Variants in CYSLTR1 observed in about 807,000 individuals in gnomAD.
CYSLTR1 encodes the protein G-protein coupled receptor HG55.
Under a neutral mutation model 2.1 loss-of-function variants are expected in CYSLTR1, and 1 was observed. The ratio of observed to expected loss-of-function variants is 0.48; its 90% CI spans 0.17 to 2.28. CYSLTR1 has a LOEUF of 2.28. CYSLTR1 is among the 30% of genes most tolerant of loss of function. The probability of loss-of-function intolerance (pLI) is 0.26; values close to 1 mark genes in which losing one functional copy is unlikely to be tolerated. For synonymous variants in CYSLTR1, 110 were observed against 89.6 expected, an observed-to-expected ratio of 1.23 and a Z score of -1.28; for missense variants, 299 against 250.1, an observed-to-expected ratio of 1.20 and a Z score of -1.32.
In CYSLTR1 at chrX:78,299,191, C is replaced by T. The variant is rs768243347; in HGVS notation, c.-114-15651G>A. ...AAAATTCTATGCCTTAACTTTATCC[C>T]ACAACTTTTTAACATTTTGTTGTTT... On this transcript the variant is annotated intron_variant, in intron 1 of 2. Transcript: ENST00000373304. Among the ~76,000 whole-genome samples the T allele has an allele frequency of 2.4e-4, 27 of 111,188 alleles. No homozygotes were observed. In the South Asian group the frequency reaches 7.5e-3, roughly 31 times the overall value.
chrX:78,287,879 G>C (rs1353854079), intron 1 of CYSLTR1, among the ~76,000 whole-genome samples: 1 of 111,339 alleles, frequency 9.0e-6, no homozygotes, highest in African/African-American at 3.3e-5. Context: ...GGTTTCATAA[G>C]TATATACATG....
chrX:78,292,133 G>T (rs1240814828), intron 1 of CYSLTR1, among the ~76,000 whole-genome samples: 1 of 111,902 alleles, frequency 8.9e-6, no homozygotes, highest in African/African-American at 3.3e-5. Flanking sequence ...TCTACAAACT[G>T]CTTTAAATGT....
chrX:78,275,284 G>A (rs1157834065), intron 2 of CYSLTR1, among the ~76,000 whole-genome samples: 1 of 111,936 alleles, frequency 8.9e-6, no homozygotes, highest in African/African-American at 3.2e-5. Context: ...GCACATGTAT[G>A]TTTATTGCGG....
chrX:78,313,151 G>A (rs1409140318), intron 1 of CYSLTR1, among the ~76,000 whole-genome samples: 1 of 111,998 alleles, frequency 8.9e-6, no homozygotes, highest in Admixed American at 9.5e-5. Flanking sequence ...ACAAAATCAT[G>A]TCCTTTGCAG....
At chrX:78,305,297 CT>C (rs749677275) in intron 1 of CYSLTR1, among the ~76,000 whole-genome samples, 1 of 111,708 alleles carries the variant, frequency 9.0e-6, no homozygotes, top group South Asian at 3.7e-4. Context: ...AACAATTGCT[CT>C]TTTTTGTATA....
chrX:78,275,389 C>T (rs1921537578), intron 2 of CYSLTR1, among the ~76,000 whole-genome samples: 1 of 111,771 alleles, frequency 8.9e-6, no homozygotes, highest in South Asian at 3.7e-4. Context: ...CCATGGAATA[C>T]TATGCAGCCA....
chrX:78,318,918 T>G (rs1923526500), intron 1 of CYSLTR1: 1 of 107,692 alleles, frequency 9.3e-6, no homozygotes, highest in African/African-American at 3.4e-5. Context: ...TTCAGCATCC[T>G]TATCTCATTA....
At chrX:78,314,943 G>C (rs776435584) in intron 1 of CYSLTR1, among the ~76,000 whole-genome samples, 1 of 108,041 alleles carries the variant, frequency 9.3e-6, no homozygotes, top group African/African-American at 3.4e-5. Flanking sequence ...ACCAGGCCAA[G>C]AGAGCGCTTA....
At chrX:78,318,449 C>T (rs759328561) in intron 1 of CYSLTR1, among the ~76,000 whole-genome samples, 1 of 111,208 alleles carries the variant, frequency 9.0e-6, no homozygotes, top group East Asian at 2.8e-4. Flanking sequence ...AGGTTTAATA[C>T]CTTGGTGACA....
At chrX:78,290,511 T>A (rs1922275817) in intron 1 of CYSLTR1, among the ~76,000 whole-genome samples, 1 of 112,039 alleles carries the variant, frequency 8.9e-6, no homozygotes, top group East Asian at 2.8e-4. Context: ...AAGTCATTGG[T>A]AGCTTGATGA....
At chrX:78,326,652 T>C (rs1923870565) in intron 1 of CYSLTR1, among the ~76,000 whole-genome samples, 1 of 112,617 alleles carries the variant, frequency 8.9e-6, no homozygotes, top group South Asian at 3.6e-4. Context: ...TCTGAGTTAC[T>C]AAATAGATCA....
chrX:78,285,320 G>T (rs1922018924), intron 1 of CYSLTR1, among the ~76,000 whole-genome samples: 1 of 108,630 alleles, frequency 9.2e-6, no homozygotes, highest in African/African-American at 3.4e-5. Flanking sequence ...ACTCGGAGAG[G>T]CTGAGGCAGG....
intron 1 of CYSLTR1, among the ~76,000 whole-genome samples, chrX:78,294,742 G>C (rs1156276675): frequency 8.9e-6 from 1 of 112,804 alleles, no homozygotes; most frequent in African/African-American, 3.2e-5. Context: ...TCAGGCTGCT[G>C]TGCTGATAGT....
chrX:78,325,482 A>G (rs1421470274), intron 1 of CYSLTR1, among the ~76,000 whole-genome samples: 1 of 112,392 alleles, frequency 8.9e-6, no homozygotes, highest in Non-Finnish European at 1.9e-5. Context: ...AAATATTCCT[A>G]TCAGCTCATT....
intron 2 of CYSLTR1, among the ~76,000 whole-genome samples, chrX:78,274,433 C>T (rs1162384594): frequency 2.7e-5 from 3 of 111,507 alleles, no homozygotes; most frequent in Non-Finnish European, 3.8e-5. Flanking sequence ...CACACATCTA[C>T]AACCATCTGA....
chrX:78,300,475 T>A (rs1922770656), intron 1 of CYSLTR1, among the ~76,000 whole-genome samples: 1 of 113,103 alleles, frequency 8.8e-6, no homozygotes, highest in East Asian at 2.8e-4. Flanking sequence ...CACTTGGGTG[T>A]TGAAATCTAA....
chrX:78,297,821 C>T (rs949594195), intron 1 of CYSLTR1, among the ~76,000 whole-genome samples: 1 of 111,377 alleles, frequency 9.0e-6, no homozygotes, highest in African/African-American at 3.3e-5. Context: ...TTTCAAAAAA[C>T]TGATTTTTTG....
In CYSLTR1 at chrX:78,277,069, C is replaced by A. The variant is rs148573979; in HGVS notation, c.-27-3296G>T. On this transcript the variant is annotated intron_variant, in intron 2 of 2. Transcript: ENST00000373304. Reference sequence around the variant, plus strand: ...TCAGAGAGTTGGCAGAGACAGAAATCCAGCCTTCACAGAGCCCAGAGTATT... The same window carrying A: ...TCAGAGAGTTGGCAGAGACAGAAATACAGCCTTCACAGAGCCCAGAGTATT... Among the ~76,000 whole-genome samples the A allele has an allele frequency of 5.0e-3, 561 of 111,379 alleles. 2 individuals carry two copies. The highest frequency in any genetic ancestry group is 0.018 in the African/African-American group (538 of 30,686).
chrX:78,285,061 ATT>A (rs201232270), intron 1 of CYSLTR1, among the ~76,000 whole-genome samples: 2 of 110,698 alleles, frequency 1.8e-5, no homozygotes, highest in Non-Finnish European at 3.8e-5. Context: ...CAATAAACAT[ATT>A]TTTTTTAAGT....
Sources: allele counts gnomAD v4.1 joint callset (sites outside exome capture counted in the v4.1 genomes callset), GRCh38; gene constraint gnomAD v4.1.1; transcripts MANE v1.5; gene names NCBI Gene and HGNC (gene_info 2026-07-23, HGNC 2026-07-21).